Variants in ATXN7L1 observed in about 807,000 individuals in gnomAD.
ATXN7L1 encodes ataxin-7-like protein 1.
Under a neutral mutation model 70.8 loss-of-function variants are expected in ATXN7L1, and 15 were observed. That is an observed-to-expected ratio of 0.21 (90% CI 0.14 to 0.33). The LOEUF (loss-of-function observed/expected upper bound fraction) is 0.33, where lower values mean the gene tolerates loss of function less well. Ranked by LOEUF, ATXN7L1 falls within the 10% of genes least tolerant of loss-of-function variation. The pLI, the probability that ATXN7L1 is intolerant of heterozygous loss-of-function variation, is 1.00. For synonymous variants in ATXN7L1, 440 were observed against 445.1 expected (o/e 0.99, Z 0.14); for missense variants, 975 against 1,097.1 (o/e 0.89, Z 1.57).
chr7:105,722,932 C>G (rs1795370704), intron 3 of ATXN7L1, among the ~76,000 whole-genome samples: 1 of 151,798 alleles, frequency 6.6e-6, no homozygotes, highest in South Asian at 2.1e-4. Context: ...AGATACAAGC[C>G]AGGTGTAGTG....
At chr7:105,657,642 A>G (rs1022675338) in intron 4 of ATXN7L1, among the ~76,000 whole-genome samples, 1 of 142,672 alleles carries the variant, frequency 7.0e-6, no homozygotes. Context: ...GGCTGCAGTA[A>G]GCTGAGATTG....
intron 4 of ATXN7L1, among the ~76,000 whole-genome samples, chr7:105,656,854 C>T (rs1800729846): frequency 6.6e-6 from 1 of 152,192 alleles, no homozygotes; most frequent in African/African-American, 2.4e-5. Context: ...AGGCGTGAGC[C>T]ACCACGCCGG....
intron 2 of ATXN7L1, among the ~76,000 whole-genome samples, chr7:105,820,498 G>A (rs1809982511): frequency 6.6e-6 from 1 of 152,194 alleles, no homozygotes; most frequent in African/African-American, 2.4e-5. Flanking sequence ...GCTAGACAGA[G>A]AGCTGTGGTT....
intron 3 of ATXN7L1, among the ~76,000 whole-genome samples, chr7:105,674,230 C>T (rs904596983): frequency 2.6e-5 from 4 of 152,156 alleles, no homozygotes; most frequent in African/African-American, 7.2e-5. Flanking sequence ...CTGTGGTCTA[C>T]ACTGTTCACA....
chr7:105,607,762 C>CA lies in ATXN7L1; in HGVS notation c.*89dup. The CA allele has an allele frequency of 8.2e-7, 1 of 1,223,718 alleles. No homozygotes were observed. The highest frequency in any genetic ancestry group is 1.2e-6 in the Non-Finnish European group (1 of 851,322). 75.8% of individuals were successfully genotyped at this position (1,223,718 alleles called of 1,614,324 possible). On this transcript the variant is annotated 3_prime_UTR_variant, in exon 12 of 12. Transcript: ENST00000419735. The stretch of plus-strand genomic sequence containing the variant: ...GTGCACAGAAAACAGACTCTCCCCC[C>CA]AGCCCACTCCCCTCCCTCCTCCTCC...
chr7:105,641,044 T>G (rs903986243), intron 5 of ATXN7L1, among the ~76,000 whole-genome samples: 4 of 152,114 alleles, frequency 2.6e-5, no homozygotes, highest in African/African-American at 9.7e-5. Context: ...AATAAATGAA[T>G]GTATTCTATT....
chr7:105,793,655 A>G (rs1805569419), intron 2 of ATXN7L1, among the ~76,000 whole-genome samples: 1 of 152,190 alleles, frequency 6.6e-6, no homozygotes, highest in African/African-American at 2.4e-5. Flanking sequence ...TGAAGACGGA[A>G]CTTTGTCCAA....
At chr7:105,709,836 T>C (rs678420) in intron 3 of ATXN7L1, among the ~76,000 whole-genome samples, 16,777 of 151,948 alleles carry the variant, frequency 0.11, 1,278 homozygotes, top group African/African-American at 0.21. Flanking sequence ...CTCCTGATCT[T>C]CTGGTTTCCC....
At chr7:105,843,059 T>C (rs971344108) in intron 2 of ATXN7L1, among the ~76,000 whole-genome samples, 2 of 152,200 alleles carry the variant, frequency 1.3e-5, no homozygotes, top group Admixed American at 1.3e-4. Flanking sequence ...TTTCTTAAAA[T>C]GAAGGCGTGA....
chr7:105,845,848 A>G (rs777661721), intron 2 of ATXN7L1, among the ~76,000 whole-genome samples: 3 of 152,232 alleles, frequency 2.0e-5, no homozygotes, highest in Non-Finnish European at 4.4e-5. Flanking sequence ...GGATAGCCAC[A>G]TGAAAAAGAA....
chr7:105,668,806 A>C (rs1803056176), intron 3 of ATXN7L1, among the ~76,000 whole-genome samples: 1 of 152,024 alleles, frequency 6.6e-6, no homozygotes, highest in African/African-American at 2.4e-5. Context: ...TGGCTGGCCA[A>C]GGTGGGTGGA....
chr7:105,725,088 T>C (rs1346391590), intron 3 of ATXN7L1, among the ~76,000 whole-genome samples: 1 of 152,146 alleles, frequency 6.6e-6, no homozygotes, highest in Non-Finnish European at 1.5e-5. Flanking sequence ...TAGTTACAAA[T>C]AAAGTCACAT....
intron 3 of ATXN7L1, among the ~76,000 whole-genome samples, chr7:105,776,530 T>C (rs916329108): frequency 6.8e-6 from 1 of 147,670 alleles, no homozygotes; most frequent in Non-Finnish European, 1.5e-5. Context: ...CAAAAAACAG[T>C]ATATTGGGCA....
intron 2 of ATXN7L1, among the ~76,000 whole-genome samples, chr7:105,790,655 A>T (rs60164248): frequency 1.6e-4 from 20 of 121,388 alleles, no homozygotes; most frequent in Admixed American, 9.5e-4. Context: ...TCTATCTATC[A>T]TCTATCTACT....
chr7:105,660,985 A>G (rs1249461512), intron 4 of ATXN7L1, among the ~76,000 whole-genome samples: 2 of 152,082 alleles, frequency 1.3e-5, no homozygotes, highest in Non-Finnish European at 2.9e-5. Flanking sequence ...GTACTGTGTT[A>G]GCTTATGTTT....
chr7:105,754,823 A>C (rs73193811), intron 3 of ATXN7L1, among the ~76,000 whole-genome samples: 1 of 152,324 alleles, frequency 6.6e-6, no homozygotes, highest in Non-Finnish European at 1.5e-5. Flanking sequence ...CACTGTGCCA[A>C]GAATTGAGAA....
chr7:105,767,869 A>G (rs547984047), intron 3 of ATXN7L1, among the ~76,000 whole-genome samples: 1 of 152,302 alleles, frequency 6.6e-6, no homozygotes, highest in South Asian at 2.1e-4. Flanking sequence ...CTCCTTCTCC[A>G]GTCCACCCCT....
At chr7:105,699,769 C>G in intron 3 of ATXN7L1, among the ~76,000 whole-genome samples, 1 of 152,126 alleles carries the variant, frequency 6.6e-6, no homozygotes, top group East Asian at 1.9e-4. Context: ...TGGGTGGTGC[C>G]TATGGTTTGC....
chr7:105,838,375 G>A (rs1725357824), intron 2 of ATXN7L1, among the ~76,000 whole-genome samples: 1 of 152,216 alleles, frequency 6.6e-6, no homozygotes, highest in African/African-American at 2.4e-5. Context: ...ATACCAGGAG[G>A]GAGATGGTTT....
Sources: allele counts gnomAD v4.1 joint callset (sites outside exome capture counted in the v4.1 genomes callset), GRCh38; gene constraint gnomAD v4.1.1; transcripts MANE v1.5; gene names NCBI Gene and HGNC (gene_info 2026-07-23, HGNC 2026-07-21).